ADAMTS7: variants seen among roughly 807,000 people sequenced by gnomAD.
ADAMTS7 encodes A disintegrin and metalloproteinase with thrombospondin motifs 7.
Under a neutral mutation model 172.6 loss-of-function variants are expected in ADAMTS7, and 89 were observed. That is an observed-to-expected ratio of 0.52 (90% CI 0.43 to 0.61). ADAMTS7 has a LOEUF of 0.61. Ranked by LOEUF, ADAMTS7 falls within the 20% of genes least tolerant of loss-of-function variation. The pLI is 0.00. For missense variants in ADAMTS7, 1,973 were observed against 2,355.6 expected, an observed-to-expected ratio of 0.84 and a Z score of 3.36; for synonymous variants, 885 against 978.4, an observed-to-expected ratio of 0.90 and a Z score of 1.78.
chr15:78,797,117 G>A (rs1169883953), intron 3 of ADAMTS7, among the ~76,000 whole-genome samples: 2 of 152,190 alleles, frequency 1.3e-5, no homozygotes, highest in Non-Finnish European at 2.9e-5. Flanking sequence ...GACAAAGCTG[G>A]CAACTGGGCC....
chr15:78,772,158 C>T (rs545494863), intron 14 of ADAMTS7, among the ~76,000 whole-genome samples: 2 of 152,308 alleles, frequency 1.3e-5, no homozygotes, highest in South Asian at 4.1e-4. Context: ...TCCTGGGACA[C>T]CCTCCTCATC....
rs933257538 is a variant in ADAMTS7, at chr15:78,811,265, C to T, written c.-45G>A. On this transcript the variant is annotated 5_prime_UTR_variant, in exon 1 of 24. Transcript: ENST00000388820. ...CCGGGTGACCCCGCGCGCACGCTCTCGTCCGTCCCGTCCGGTCGCTGCCTG... is the reference window on the plus strand; with the variant it reads ...CCGGGTGACCCCGCGCGCACGCTCTTGTCCGTCCCGTCCGGTCGCTGCCTG... 3.3e-6 allele frequency: 4 copies of T among 1,221,494 alleles called. No homozygotes were observed. Among genetic ancestry groups the T allele is most frequent in the African/African-American group, 1.6e-5 (1 of 63,890 alleles). 75.7% of individuals were successfully genotyped at this position (1,221,494 alleles called of 1,614,324 possible). A position where few individuals can be genotyped will look rare whatever the true frequency, so the allele number is the denominator to read the frequency against.
chr15:78,764,977 AG>A (rs2055116440), intron 19 of ADAMTS7: 1 of 371,034 alleles, frequency 2.7e-6, no homozygotes, highest in African/African-American at 2.1e-5. Context: ...AGGTGGGGGG[AG>A]GGGACCCTGT....
chr15:78,798,056 G>A lies in ADAMTS7; in HGVS notation c.514C>T (p.Pro172Ser), dbSNP rs1360719262. 1.3e-6 allele frequency: 2 copies of A among 1,570,938 alleles called. No individual in the cohort carries two copies. The highest frequency in any genetic ancestry group is 4.2e-5 in the Admixed American group (2 of 47,914). Reference protein sequence around the residue: ...DYFIEPLDSAPARPGHAQPHV... With the variant: ...DYFIEPLDSASARPGHAQPHV... ...GGCTGGGCGTGGCCAGGCCGGGCCG[G>A]GGCACTGTCCAGGGGCTCAATGAAG... Residue 172 changes from proline (P) to serine (S), a missense_variant, in exon 3 of 24, where the codon CCG becomes TCG. By Grantham distance (74) the Pro-to-Ser change is moderately conservative (BLOSUM62 -1). Transcript: ENST00000388820.
chr15:78,765,675 G>C lies in ADAMTS7; in HGVS notation c.4236C>G (p.Asn1412Lys). ...TCCAGTTTCCCGCTTGCCAGCCGGCGTTCCTGACAACCAACGGGTCCGCGG... is the reference window on the plus strand; with the variant it reads ...TCCAGTTTCCCGCTTGCCAGCCGGCCTTCCTGACAACCAACGGGTCCGCGG... ...GPPADPLVVRNAGWQAGNWSE... is the reference protein window; with the variant it reads ...GPPADPLVVRKAGWQAGNWSE... Residue 1412 changes from asparagine (N) to lysine (K), a missense_variant, in exon 19 of 24, where the codon AAC becomes AAG. Around this residue, in one of 8 missense-constraint regions of ADAMTS7, gnomAD observed 771 missense variants for 952.6 expected, o/e 0.81. Transcript: ENST00000388820. The C allele has an allele frequency of 6.2e-7, 1 of 1,605,318 alleles. No homozygotes were observed.
intron 2 of ADAMTS7, among the ~76,000 whole-genome samples, chr15:78,799,945 G>T (rs1448834979): frequency 1.3e-5 from 2 of 151,274 alleles, no homozygotes. Flanking sequence ...TTTCGCCTCA[G>T]CCTCCCAAAT....
At chr15:78,775,650 TC>T (rs1184664024) in intron 11 of ADAMTS7, among the ~76,000 whole-genome samples, 1 of 151,962 alleles carries the variant, frequency 6.6e-6, no homozygotes, top group African/African-American at 2.4e-5. Flanking sequence ...TCCCAGCTGC[TC>T]CGTCTCATCT....
In ADAMTS7 at chr15:78,762,559, C is replaced by T. The variant is rs1348879081; in HGVS notation, c.4747G>A (p.Gly1583Ser). 1.3e-6 allele frequency: 2 copies of T among 1,514,972 alleles called. No individual in the cohort carries two copies. Among genetic ancestry groups the T allele is most frequent in the Non-Finnish European group, 1.8e-6 (2 of 1,131,348 alleles). The allele number at this position is 1,514,972 out of a possible 1,614,324, so 93.8% of individuals were successfully genotyped here. The part of the protein sequence containing the change: ...WVVGPWGQCS[G>S]PCGGGVQRRL... ...CGCTGGACACCACCACCACAGGGGC[C>T]TGAGCACTGAGGGGAGCGGGGGAGG... The change falls in exon 23 of 24, where the codon GGC becomes AGC. Residue 1583 changes from glycine (G) to serine (S), a missense_variant. Transcript: ENST00000388820.
chr15:78,779,323 C>T (rs192258217), intron 8 of ADAMTS7, among the ~76,000 whole-genome samples: 2 of 152,330 alleles, frequency 1.3e-5, no homozygotes, highest in Admixed American at 1.3e-4. Context: ...CCTGGGCAGA[C>T]TCTACCATCA....
rs756626504 is a variant in ADAMTS7, at chr15:78,766,310, C to T, written c.3601G>A (p.Asp1201Asn). 7 of 1,611,250 alleles carry T rather than the reference C, an allele frequency of 4.3e-6. No individual in the cohort carries two copies. The South Asian group carries it at 7.7e-5, about 18-fold the overall frequency. ...ESQNDFPVGK[D>N]SQSQLPPPWR... ...GGAGGGGGCAGCTGGCTCTGGCTGT[C>T]CTTGCCAACTGGGAAATCATTTTGG... The change falls in exon 19 of 24, where the codon GAC becomes AAC. Residue 1201 changes from aspartate to asparagine, a missense_variant. Physicochemically the swap from Asp to Asn is conservative, Grantham distance 23. This residue lies in a region of ADAMTS7 where 771 missense variants were observed against 952.6 expected (regional missense o/e 0.81). Coordinates refer to ENST00000388820, the MANE Select transcript of ADAMTS7 (RefSeq NM_014272.5).
At chr15:78,789,873 T>C in intron 6 of ADAMTS7, 35 bp from the exon 7 acceptor site, 1 of 1,551,230 alleles carries the variant, frequency 6.4e-7, no homozygotes. Context: ...CAGGCTAACC[T>C]GGCCCAGTGC....
intron 8 of ADAMTS7, among the ~76,000 whole-genome samples, chr15:78,787,211 G>A (rs1005247922): frequency 6.6e-6 from 1 of 151,970 alleles, no homozygotes; most frequent in Non-Finnish European, 1.5e-5. Context: ...CCTGACCCCC[G>A]AGTTCTTCTG....
intron 16 of ADAMTS7, among the ~76,000 whole-genome samples, chr15:78,770,456 G>A (rs1462160384): frequency 1.5e-5 from 2 of 134,530 alleles, no homozygotes; most frequent in South Asian, 2.7e-4. Context: ...AGGAATGGCA[G>A]GGGAGACCAA....
chr15:78,793,146 G>A (rs755115356), intron 4 of ADAMTS7, among the ~76,000 whole-genome samples: 19 of 152,160 alleles, frequency 1.2e-4, no homozygotes, highest in Non-Finnish European at 5.9e-5. Flanking sequence ...TTCTAAGGTA[G>A]GCACAATTAT....
intron 1 of ADAMTS7, 37 bp downstream of exon 1, chr15:78,811,083 TG>T: frequency 8.2e-7 from 1 of 1,213,822 alleles, no homozygotes; most frequent in Non-Finnish European, 1.0e-6. Flanking sequence ...CGGGAAGGGG[TG>T]GCAGGCCCGG....
At chr15:78,776,370 C>G in intron 10 of ADAMTS7, 37 bp from the exon 11 acceptor site, 1 of 1,596,228 alleles carries the variant, frequency 6.3e-7, no homozygotes, top group South Asian at 1.1e-5. Flanking sequence ...ACCCCACCCC[C>G]AAGTCTATCA....
chr15:78,771,908 C>A lies in ADAMTS7; in HGVS notation c.2132-79G>T, dbSNP rs1399375402. 48 of 1,540,728 alleles carry A rather than the reference C, an allele frequency of 3.1e-5. No homozygotes were observed. Among genetic ancestry groups the A allele is most frequent in the Non-Finnish European group, 4.0e-5 (46 of 1,146,558 alleles). On this transcript the variant is annotated intron_variant, in intron 14 of 23. Transcript: ENST00000388820. The surrounding 1 kb of genome is among the most constrained non-coding windows in gnomAD (Gnocchi z 4.9). ...CCCCACCCGCTCCCCTCATGTCTCT[C>A]CCCACTTGCCTCCGCCTGCTGATGC...
In ADAMTS7 at chr15:78,796,760, C is replaced by G. The variant is rs1567237048; in HGVS notation, c.649G>C (p.Glu217Gln). The change falls in exon 4 of 24, where the codon GAG becomes CAG. Residue 217 changes from glutamate (E) to glutamine (Q), a missense_variant. Transcript: ENST00000388820. ...QVYPELESRR[E>Q]RWEQRQQWRR... ...CACTGCTGCCGCTGCTCCCAACGCT[C>G]CCGTCGAGACTCCAGCTCTGGGTAC... 8 of 1,611,534 alleles carry G rather than the reference C, an allele frequency of 5.0e-6. No individual in the cohort carries two copies. The highest frequency in any genetic ancestry group is 6.8e-6 in the Non-Finnish European group (8 of 1,179,748).
At chr15:78,808,262 A>C (rs1008719552) in intron 1 of ADAMTS7, among the ~76,000 whole-genome samples, 1 of 152,084 alleles carries the variant, frequency 6.6e-6, no homozygotes, top group Non-Finnish European at 1.5e-5. Flanking sequence ...CTTTTGAGAC[A>C]GTCTCCCTGT....
Sources: gnomAD v4.1 joint callset for allele counts (sites outside exome capture counted in the v4.1 genomes callset) on GRCh38, gnomAD v4.1.1 for gene constraint, gnomAD v4.1.1 regional missense constraint, Gnocchi (gnomAD v3.1) non-coding constraint, MANE v1.5 for transcripts, NCBI Gene and HGNC (gene_info 2026-07-23, HGNC 2026-07-21) for gene names.